DOCK4: variants seen among roughly 807,000 people sequenced by gnomAD.
The protein encoded by DOCK4 is dedicator of cytokinesis 4.
In DOCK4, 97 loss-of-function variants were observed where a neutral mutation model predicts 268.1. The ratio of observed to expected loss-of-function variants is 0.36; its 90% confidence interval spans 0.31 to 0.43. The LOEUF is 0.43. Ranked by LOEUF, DOCK4 falls within the 20% of genes least tolerant of loss-of-function variation. The pLI is 1.00. For synonymous variants in DOCK4, 954 were observed against 887.2 expected (o/e 1.08, Z -1.34); for missense variants, 2,145 against 2,455.7 (o/e 0.87, Z 2.67).
At chr7:111,780,356 C>G (rs554828433) in intron 35 of DOCK4, among the ~76,000 whole-genome samples, 1 of 152,236 alleles carries the variant, frequency 6.6e-6, no homozygotes, top group South Asian at 2.1e-4. Context: ...ATGCTATTCA[C>G]GTCTCTCTTA....
intron 1 of DOCK4, among the ~76,000 whole-genome samples, chr7:112,007,200 A>G (rs926061839): frequency 2.6e-5 from 4 of 152,166 alleles, no homozygotes; most frequent in African/African-American, 9.7e-5. Context: ...AAGGCATCAC[A>G]TAATATTACA....
intron 29 of DOCK4, 47 bp downstream of exon 29, chr7:111,809,254 C>T: frequency 1.4e-6 from 2 of 1,392,586 alleles, no homozygotes; most frequent in Non-Finnish European, 2.0e-6. Context: ...GAACTAAATA[C>T]TCTTTAAGAG....
chr7:111,739,861 G>C, intron 47 of DOCK4: 1 of 312,360 alleles, frequency 3.2e-6, no homozygotes, highest in South Asian at 2.7e-5. Context: ...CATGAATTTG[G>C]AAATAAGTGT....
chr7:111,951,750 G>A (rs73207419), intron 8 of DOCK4, among the ~76,000 whole-genome samples: 11,185 of 151,888 alleles, frequency 0.074, 447 homozygotes, highest in Middle Eastern at 0.17. Flanking sequence ...AGTAGTCCCA[G>A]CTACACAGAA....
At chr7:111,853,510 C>T (rs993092165) in intron 23 of DOCK4, among the ~76,000 whole-genome samples, 2 of 152,180 alleles carry the variant, frequency 1.3e-5, no homozygotes, top group African/African-American at 2.4e-5. Context: ...CAGAGCCAGT[C>T]GCAAAACCTG....
At chr7:112,162,208 T>A (rs1817191303) in intron 1 of DOCK4, among the ~76,000 whole-genome samples, 1 of 152,178 alleles carries the variant, frequency 6.6e-6, no homozygotes, top group African/African-American at 2.4e-5. Context: ...GTTTCCTGAA[T>A]AACAAACACT....
At chr7:111,731,327 C>T (rs575493750) in intron 52 of DOCK4, among the ~76,000 whole-genome samples, 16 of 152,298 alleles carry the variant, frequency 1.1e-4, no homozygotes, top group Middle Eastern at 3.4e-3. Context: ...TGCACTGGAT[C>T]GCAACCTGCC....
At chr7:111,874,995 A>G (rs950749722) in intron 17 of DOCK4, among the ~76,000 whole-genome samples, 5 of 152,342 alleles carry the variant, frequency 3.3e-5, no homozygotes. Flanking sequence ...ATAGCAATTT[A>G]ATTCCAATTT....
At chr7:111,901,555 A>G (rs534998141) in intron 14 of DOCK4, 122 bp downstream of exon 14, 6 of 1,005,442 alleles carry the variant, frequency 6.0e-6, no homozygotes, top group Middle Eastern at 2.2e-4. Context: ...AAAATAAGAT[A>G]GAAAATAACG....
intron 1 of DOCK4, among the ~76,000 whole-genome samples, chr7:112,012,530 C>A (rs1801425895): frequency 6.6e-6 from 1 of 152,184 alleles, no homozygotes; most frequent in Admixed American, 6.5e-5. Context: ...AATTACAATA[C>A]AGTCTTCATG....
chr7:111,868,481 C>T (rs1217043519), intron 21 of DOCK4, among the ~76,000 whole-genome samples: 5 of 152,062 alleles, frequency 3.3e-5, no homozygotes, highest in Admixed American at 6.6e-5. Flanking sequence ...GAGGCCGAGG[C>T]GGGTGGATCA....
intron 36 of DOCK4, among the ~76,000 whole-genome samples, chr7:111,774,938 C>A (rs1798352652): frequency 6.6e-6 from 1 of 152,176 alleles, no homozygotes; most frequent in Non-Finnish European, 1.5e-5. Flanking sequence ...TATAAAACTT[C>A]CCTTACAAAA....
At chr7:111,785,438 A>G (rs1414594630) in intron 32 of DOCK4, among the ~76,000 whole-genome samples, 2 of 152,212 alleles carry the variant, frequency 1.3e-5, no homozygotes, top group Non-Finnish European at 2.9e-5. Context: ...TAATAATTCT[A>G]AAAATACATG....
At chr7:112,044,823 A>G (rs527647376) in intron 1 of DOCK4, among the ~76,000 whole-genome samples, 4 of 152,130 alleles carry the variant, frequency 2.6e-5, no homozygotes, top group African/African-American at 9.6e-5. Context: ...GAACCATCTC[A>G]CACCACCACA....
At chr7:111,874,550 C>T (rs989258606) in intron 17 of DOCK4, among the ~76,000 whole-genome samples, 2 of 152,216 alleles carry the variant, frequency 1.3e-5, no homozygotes, top group Non-Finnish European at 2.9e-5. Context: ...ATGCAAAATA[C>T]TTCAAGTTCA....
At chr7:111,987,463 C>CAG (rs78822293) in intron 6 of DOCK4, among the ~76,000 whole-genome samples, 61,918 of 151,818 alleles carry the variant, frequency 0.41, 15,043 homozygotes, top group African/African-American at 0.68. Flanking sequence ...CAAAATAATT[C>CAG]AGAGTCCTCA....
chr7:112,019,509 G>A (rs1490904133), intron 1 of DOCK4, among the ~76,000 whole-genome samples: 1 of 152,092 alleles, frequency 6.6e-6, no homozygotes, highest in Non-Finnish European at 1.5e-5. Context: ...AATTCTGGAA[G>A]TTAAAAAGCA....
Position 111,769,529 on chromosome 7 carries a change from T to A in DOCK4, c.3828A>T (p.Lys1276Asn). 1 of 1,613,546 alleles carries A rather than the reference T, an allele frequency of 6.2e-7. No individual in the cohort carries two copies. The highest frequency in any genetic ancestry group is 8.5e-7 in the Non-Finnish European group (1 of 1,179,714). Residue 1276 changes from lysine to asparagine, a missense_variant and splice_region_variant, in exon 37 of 53, where the codon AAA (lysine) becomes AAT (asparagine). By Grantham distance (94) the Lys-to-Asn change is moderately conservative. Transcript: ENST00000428084. Reference protein sequence around the residue: ...LTIIQNFDRGKCWENGIILCR... With the variant: ...LTIIQNFDRGNCWENGIILCR... ...CCCCGGGCGGGGCAGGGCCACTTAC[T>A]TTGCCTCTGTCAAAGTTCTGGATGA... is the stretch of plus-strand genomic sequence containing the variant.
chr7:111,838,744 G>A (rs918347039), intron 25 of DOCK4, among the ~76,000 whole-genome samples: 1 of 152,136 alleles, frequency 6.6e-6, no homozygotes, highest in Admixed American at 6.5e-5. Flanking sequence ...ACCGAGAGGG[G>A]CACAAGGAAG....
Sources: gnomAD v4.1 joint callset for allele counts (sites outside exome capture counted in the v4.1 genomes callset) on GRCh38, gnomAD v4.1.1 for gene constraint, MANE v1.5 for transcripts, NCBI Gene and HGNC (gene_info 2026-07-23, HGNC 2026-07-21) for gene names.